LPGAT1: variants seen among roughly 807,000 people sequenced by gnomAD.
LPGAT1 encodes lysophosphatidylglycerol acyltransferase 1.
LPGAT1 carries 11 observed loss-of-function variants against 47.5 expected under a neutral mutation model. That is an observed-to-expected ratio of 0.23 (90% CI 0.15 to 0.38). The LOEUF (loss-of-function observed/expected upper bound fraction) is 0.38. Among genes scored for constraint, LPGAT1 ranks in the 10% least tolerant of loss-of-function variants. LPGAT1 has a pLI of 1.00. For missense variants in LPGAT1, 293 were observed against 439.0 expected (o/e 0.67, Z 2.97); for synonymous variants, 138 against 144.2 (o/e 0.96, Z 0.31).
intron 4 of LPGAT1, among the ~76,000 whole-genome samples, chr1:211,786,574 C>T (rs1286805909): frequency 3.3e-5 from 5 of 152,188 alleles, no homozygotes; most frequent in South Asian, 2.1e-4. Flanking sequence ...CATTCTTCTT[C>T]CTACACTAAA....
At chr1:211,783,861 C>A (rs1319765188) in intron 4 of LPGAT1, among the ~76,000 whole-genome samples, 1 of 152,144 alleles carries the variant, frequency 6.6e-6, no homozygotes, top group Non-Finnish European at 1.5e-5. Flanking sequence ...AGCTTACATT[C>A]TAGTTTGGGA....
chr1:211,762,697 T>A (rs1657748908), intron 6 of LPGAT1, among the ~76,000 whole-genome samples: 3 of 152,200 alleles, frequency 2.0e-5, no homozygotes, highest in Non-Finnish European at 4.4e-5. Flanking sequence ...AACATTCTTA[T>A]TATCAGTAAT....
intron 6 of LPGAT1, among the ~76,000 whole-genome samples, chr1:211,771,098 C>CAAA (rs370445381): frequency 3.1e-5 from 3 of 95,494 alleles, no homozygotes; most frequent in Admixed American, 1.1e-4. Context: ...GACACTATCT[C>CAAA]AAAAAAAAAA....
At chr1:211,798,041 T>C (rs779789558) in intron 2 of LPGAT1, among the ~76,000 whole-genome samples, 11 of 152,088 alleles carry the variant, frequency 7.2e-5, no homozygotes, top group Non-Finnish European at 1.6e-4. Context: ...ATCTGGACAG[T>C]TCACATCTCA....
intron 4 of LPGAT1, among the ~76,000 whole-genome samples, chr1:211,786,654 G>T (rs1172880785): frequency 6.6e-6 from 1 of 152,068 alleles, no homozygotes; most frequent in Non-Finnish European, 1.5e-5. Flanking sequence ...TTTAAAACTT[G>T]TGCCAAATAT....
intron 2 of LPGAT1, among the ~76,000 whole-genome samples, chr1:211,827,666 A>ACAG (rs2102613935): frequency 6.6e-6 from 1 of 152,156 alleles, no homozygotes; most frequent in African/African-American, 2.4e-5. Flanking sequence ...CAACTCTAAG[A>ACAG]CAGCAGTGCA....
chr1:211,749,999 G>A lies in LPGAT1; in HGVS notation c.1013C>T (p.Thr338Ile). ...GHKEAVSREM[T>I]LSNLWIFLIQ... ...GAGAAATATCCACAAGTTGCTGAGG[G>A]TCATCTCCCTGGAAACAGCTTCCTT... Residue 338 changes from threonine to isoleucine, a missense_variant, in exon 8 of 8, where the codon ACC (threonine) becomes ATC (isoleucine). Physicochemically the swap from Thr to Ile is moderately conservative, Grantham distance 89. Coordinates refer to ENST00000366997, the MANE Select transcript of LPGAT1 (RefSeq NM_014873.3). 6.2e-7 allele frequency: 1 copy of A among 1,614,070 alleles called. No homozygotes were observed. Among genetic ancestry groups the A allele is most frequent in the Non-Finnish European group, 8.5e-7 (1 of 1,179,926 alleles).
intron 2 of LPGAT1, among the ~76,000 whole-genome samples, chr1:211,820,162 C>A (rs1397545789): frequency 2.0e-5 from 3 of 152,014 alleles, no homozygotes; most frequent in Non-Finnish European, 4.4e-5. Flanking sequence ...AGAAACACAC[C>A]CAGGTGTCAT....
intron 2 of LPGAT1, among the ~76,000 whole-genome samples, chr1:211,820,652 A>C (rs1660337476): frequency 6.6e-6 from 1 of 152,232 alleles, no homozygotes; most frequent in South Asian, 2.1e-4. Flanking sequence ...GAAAGAAACA[A>C]ACAAATGAAA....
chr1:211,759,562 T>C (rs1325421005), intron 6 of LPGAT1, among the ~76,000 whole-genome samples: 4 of 152,220 alleles, frequency 2.6e-5, no homozygotes, highest in Admixed American at 6.5e-5. Context: ...TGTAATTGGA[T>C]TTAATTTGCT....
intron 6 of LPGAT1, among the ~76,000 whole-genome samples, chr1:211,775,928 T>C (rs370168972): frequency 1.8e-4 from 22 of 122,140 alleles, no homozygotes; most frequent in African/African-American, 6.1e-4. Context: ...CAAAATGCCA[T>C]CTCAAAAAAA....
At chr1:211,753,726 T>C (rs1317534979) in intron 6 of LPGAT1, among the ~76,000 whole-genome samples, 1 of 152,252 alleles carries the variant, frequency 6.6e-6, no homozygotes, top group Non-Finnish European at 1.5e-5. Context: ...TGGTCCTCCA[T>C]GTCACCTTCT....
chr1:211,747,965 T>C lies in LPGAT1; in HGVS notation c.*1934A>G, dbSNP rs1006491661. 6.5e-6 allele frequency: 1 copy of C among 152,678 alleles called. No homozygotes were observed. The highest frequency in any genetic ancestry group is 1.5e-5 in the Non-Finnish European group (1 of 68,042). 9.5% of individuals were successfully genotyped at this position (152,678 alleles called of 1,614,324 possible). A position where few individuals can be genotyped will look rare whatever the true frequency, so the allele number is the denominator to read the frequency against. On this transcript the variant is annotated 3_prime_UTR_variant, in exon 8 of 8. Transcript: ENST00000366997. The stretch of plus-strand genomic sequence containing the variant: ...ATATTCAATGAGGTATTTCAGTTAA[T>C]GCATCATTCTCTTTCACATATGCAC...
intron 7 of LPGAT1, among the ~76,000 whole-genome samples, 189 bp from the exon 8 acceptor site, chr1:211,750,239 C>A (rs1657119568): frequency 6.6e-6 from 1 of 152,170 alleles, no homozygotes; most frequent in Non-Finnish European, 1.5e-5. Flanking sequence ...GCCTCTGAGC[C>A]TTTGCCTTTT....
intron 2 of LPGAT1, among the ~76,000 whole-genome samples, chr1:211,822,718 C>T (rs527433243): frequency 6.6e-6 from 1 of 151,370 alleles, no homozygotes; most frequent in Non-Finnish European, 1.5e-5. Flanking sequence ...GCGGACGTTG[C>T]AGTGGGCCAA....
At chr1:211,787,556 T>G in intron 4 of LPGAT1, 76 bp downstream of exon 4, 1 of 798,884 alleles carries the variant, frequency 1.3e-6, no homozygotes, top group South Asian at 1.9e-5. Flanking sequence ...ATAATTGGTT[T>G]TGTTATACCT....
intron 6 of LPGAT1, among the ~76,000 whole-genome samples, chr1:211,752,297 G>A (rs1450551842): frequency 6.6e-6 from 1 of 151,958 alleles, no homozygotes; most frequent in Non-Finnish European, 1.5e-5. Context: ...TTTTTTTAAA[G>A]GGCCAGACAG....
At chr1:211,815,188 T>A (rs1404412572) in intron 2 of LPGAT1, among the ~76,000 whole-genome samples, 1 of 152,224 alleles carries the variant, frequency 6.6e-6, no homozygotes, top group African/African-American at 2.4e-5. Context: ...AGACTGCACA[T>A]CCATGTCAAT....
In LPGAT1 at chr1:211,825,959, C is replaced by CA. The variant is rs914464272; in HGVS notation, c.238+3099dup. Among the ~76,000 whole-genome samples, 1,362 of 140,430 alleles carry CA rather than the reference C, an allele frequency of 9.7e-3. 21 individuals are homozygous for CA. The highest frequency in any genetic ancestry group is 0.031 in the African/African-American group (1,192 of 38,328). 92.1% of individuals were successfully genotyped at this position (140,430 alleles called of 152,430 possible). ...TGGGCAACAGAGCAAGACTCCATCT[C>CA]AAAAAAAAAAAGGAAAATGTGAAAA... is the stretch of plus-strand genomic sequence containing the variant. On this transcript the variant is annotated intron_variant, in intron 2 of 7. Transcript: ENST00000366997.
Sources: allele counts gnomAD v4.1 joint callset (sites outside exome capture counted in the v4.1 genomes callset), GRCh38; gene constraint gnomAD v4.1.1; transcripts MANE v1.5; gene names NCBI Gene and HGNC (gene_info 2026-07-23, HGNC 2026-07-21).